Variants in DOCK1 observed in about 807,000 individuals in gnomAD.
The protein encoded by DOCK1 is dedicator of cytokinesis protein 1.
DOCK1 carries 138 observed loss-of-function variants against 262.7 expected under a neutral mutation model. The observed-to-expected ratio is 0.53, with a 90% CI of 0.46 to 0.61. The LOEUF is 0.61. DOCK1 is among the 20% of genes least tolerant of loss of function. The pLI, the probability that DOCK1 is intolerant of heterozygous loss-of-function variation, is 0.00. For missense variants in DOCK1, 1,908 were observed against 2,370.7 expected (o/e 0.80, Z 4.05); for synonymous variants, 866 against 867.4 (o/e 1.00, Z 0.03).
At chr10:127,050,078 G>A (rs896137791) in intron 21 of DOCK1, among the ~76,000 whole-genome samples, 3 of 147,846 alleles carry the variant, frequency 2.0e-5, no homozygotes, top group Non-Finnish European at 4.4e-5. Context: ...TTATTGAACC[G>A]GCTCTCAGAG....
chr10:127,305,706 T>C (rs1384832888), intron 29 of DOCK1, among the ~76,000 whole-genome samples: 4 of 152,168 alleles, frequency 2.6e-5, no homozygotes, highest in Non-Finnish European at 5.9e-5. Context: ...CTGTATACAG[T>C]CAGAAAAGAA....
At position 127,250,728 on chromosome 10, in the gene DOCK1, G is replaced by A. The variant is rs1430508451; in HGVS notation, c.2949+2619G>A. ...AATGGCTGGAACCCGGGAGGCAGAG[G>A]TTGCAGTGAGCCGAGATCGGGCCAC... On this transcript the variant is annotated intron_variant, in intron 28 of 51. Coordinates refer to ENST00000623213, the MANE Select transcript of DOCK1 (RefSeq NM_001290223.2). Among the ~76,000 whole-genome samples the A allele has an allele frequency of 2.1e-5, 3 of 139,826 alleles. No homozygotes were observed. In the East Asian group the frequency reaches 7.2e-4, roughly 34 times the overall value. The allele number at this position is 139,826 out of a possible 152,430, so 91.7% of individuals were successfully genotyped here. A position where few individuals can be genotyped will look rare whatever the true frequency, so the allele number is the denominator to read the frequency against.
rs2063201990 is a variant in DOCK1, at chr10:127,336,563, C to CTCTGTCTCAAATTAAAA, written c.3045-2443_3045-2442insTCTGTCTCAAATTAAAA. On this transcript the variant is annotated intron_variant, in intron 29 of 51. Coordinates refer to ENST00000623213, the MANE Select transcript of DOCK1 (RefSeq NM_001290223.2). The stretch of plus-strand genomic sequence containing the variant: ...TTTTTTTTTTTTTTTTAATTTGAGA[C>CTCTGTCTCAAATTAAAA]AAGTCTCACTCTGTCACCCAGGCTG... Among the ~76,000 whole-genome samples the CTCTGTCTCAAATTAAAA allele has an allele frequency of 3.4e-5, 5 of 145,586 alleles. No homozygotes were observed. In the South Asian group the frequency reaches 1.1e-3, roughly 32 times the overall value.
At chr10:127,101,457 C>A (rs1308989719) in intron 23 of DOCK1, among the ~76,000 whole-genome samples, 1 of 152,198 alleles carries the variant, frequency 6.6e-6, no homozygotes, top group East Asian at 1.9e-4. Flanking sequence ...TGCTAAACCT[C>A]ATTTACCGAA....
At chr10:127,435,596 A>G (rs1290262703) in intron 48 of DOCK1, among the ~76,000 whole-genome samples, 1 of 152,084 alleles carries the variant, frequency 6.6e-6, no homozygotes, top group Non-Finnish European at 1.5e-5. Flanking sequence ...AAATCCCCGG[A>G]CTGGTTATGG....
chr10:127,192,250 A>C (rs746263438), intron 27 of DOCK1, among the ~76,000 whole-genome samples: 16 of 152,232 alleles, frequency 1.1e-4, no homozygotes, highest in Non-Finnish European at 1.9e-4. Context: ...GTGCTCTATA[A>C]AATAAATATT....
At chr10:127,321,365 A>ATT (rs113267450) in intron 29 of DOCK1, among the ~76,000 whole-genome samples, 64,104 of 126,506 alleles carry the variant, frequency 0.51, 16,446 homozygotes, top group East Asian at 0.65. Flanking sequence ...TCTCTAGCTC[A>ATT]TTTTTTTTTT....
intron 32 of DOCK1, among the ~76,000 whole-genome samples, chr10:127,356,833 C>A (rs2064170510): frequency 6.6e-6 from 1 of 152,068 alleles, no homozygotes; most frequent in Non-Finnish European, 1.5e-5. Flanking sequence ...CTGGCCCCTC[C>A]TAAAAGAGTG....
chr10:127,237,349 A>G (rs1300957348), intron 27 of DOCK1, among the ~76,000 whole-genome samples: 1 of 132,390 alleles, frequency 7.6e-6, no homozygotes, highest in East Asian at 2.2e-4. Context: ...AACAAGAGCA[A>G]AACTCCATCT....
chr10:127,158,833 A>G (rs762174703), intron 27 of DOCK1, among the ~76,000 whole-genome samples: 76 of 152,332 alleles, frequency 5.0e-4, no homozygotes, highest in Admixed American at 2.0e-3. Context: ...CAATGCATAT[A>G]GCTTGGAAAA....
At chr10:127,217,295 C>G (rs1335286574) in intron 27 of DOCK1, among the ~76,000 whole-genome samples, 2 of 152,198 alleles carry the variant, frequency 1.3e-5, no homozygotes, top group African/African-American at 2.4e-5. Flanking sequence ...AACTGCAGAA[C>G]ATAAGCGGTT....
At chr10:127,436,742 T>C (rs879894988) in intron 48 of DOCK1, among the ~76,000 whole-genome samples, 26 of 152,300 alleles carry the variant, frequency 1.7e-4, no homozygotes, top group Middle Eastern at 3.4e-3. Flanking sequence ...ATAACTCGGT[T>C]ATATTATATA....
intron 29 of DOCK1, among the ~76,000 whole-genome samples, chr10:127,311,539 G>T (rs993239312): frequency 1.3e-5 from 2 of 152,206 alleles, no homozygotes; most frequent in African/African-American, 4.8e-5. Flanking sequence ...TGGATGTTCA[G>T]ATTAGGGATG....
chr10:126,920,283 GTTCC>G (rs2033048784), intron 1 of DOCK1, among the ~76,000 whole-genome samples: 2 of 152,338 alleles, frequency 1.3e-5, no homozygotes, highest in African/African-American at 4.8e-5. Context: ...TTAAATTAAA[GTTCC>G]TTCTTAATAA....
intron 32 of DOCK1, among the ~76,000 whole-genome samples, chr10:127,355,330 A>T (rs2064094126): frequency 6.6e-6 from 1 of 152,200 alleles, no homozygotes; most frequent in South Asian, 2.1e-4. Flanking sequence ...CTTATAGATA[A>T]GCCCCTTCAA....
intron 30 of DOCK1, among the ~76,000 whole-genome samples, chr10:127,340,568 A>G (rs1195452426): frequency 6.6e-6 from 1 of 152,152 alleles, no homozygotes. Context: ...GCTGTGATAC[A>G]TGTGTCTCTT....
chr10:127,210,564 C>T (rs2057931735), intron 27 of DOCK1, among the ~76,000 whole-genome samples: 1 of 152,220 alleles, frequency 6.6e-6, no homozygotes, highest in Non-Finnish European at 1.5e-5. Context: ...CCCTCTTGCT[C>T]TGTCTCGTTG....
chr10:127,038,403 C>G (rs1011018362), intron 19 of DOCK1, among the ~76,000 whole-genome samples: 1 of 152,300 alleles, frequency 6.6e-6, no homozygotes, highest in East Asian at 1.9e-4. Context: ...ACAGGACTCA[C>G]AACAGTTCAG....
chr10:127,132,057 T>C (rs908770165), intron 27 of DOCK1, among the ~76,000 whole-genome samples: 1 of 152,236 alleles, frequency 6.6e-6, no homozygotes, highest in Admixed American at 6.5e-5. Context: ...AATAAGGCAT[T>C]AACTGGGAAT....
Sources: allele counts gnomAD v4.1 joint callset (sites outside exome capture counted in the v4.1 genomes callset), GRCh38; gene constraint gnomAD v4.1.1; transcripts MANE v1.5; gene names NCBI Gene and HGNC (gene_info 2026-07-23, HGNC 2026-07-21).